SAMD3: variants seen among roughly 807,000 people sequenced by gnomAD.
The protein encoded by SAMD3 is sterile alpha motif domain containing 3.
In SAMD3, 63 loss-of-function variants were observed where a neutral mutation model predicts 58.5. The observed-to-expected ratio is 1.08, with a 90% confidence interval of 0.88 to 1.33. The LOEUF is 1.33. SAMD3 is among the 40% of genes most tolerant of loss of function. The probability of loss-of-function intolerance (pLI) is 0.00; values close to 1 mark genes in which losing one functional copy is unlikely to be tolerated. For synonymous variants in SAMD3, 220 were observed against 210.3 expected, an observed-to-expected ratio of 1.05 and a Z score of -0.40; for missense variants, 604 against 608.4, an observed-to-expected ratio of 0.99 and a Z score of 0.08.
chr6:130,283,753 A>G (rs1775066057), intron 2 of SAMD3, among the ~76,000 whole-genome samples: 1 of 152,216 alleles, frequency 6.6e-6, no homozygotes, highest in Non-Finnish European at 1.5e-5. Context: ...TAAAGGATAT[A>G]AGTAAGGAAA....
intron 2 of SAMD3, among the ~76,000 whole-genome samples, chr6:130,269,235 C>A (rs900806514): frequency 1.3e-5 from 2 of 152,140 alleles, no homozygotes; most frequent in African/African-American, 4.8e-5. Flanking sequence ...CATTGAATAA[C>A]GCTTTGCTCT....
At chr6:130,326,863 G>A (rs568387951) in intron 1 of SAMD3, among the ~76,000 whole-genome samples, 96 of 152,192 alleles carry the variant, frequency 6.3e-4, no homozygotes, top group African/African-American at 2.2e-3. Context: ...TCCAACCACA[G>A]GCACTACCCT....
Position 130,154,999 on chromosome 6 carries a change from C to T in SAMD3, c.849G>A (p.Glu283=). The T allele has an allele frequency of 6.2e-7, 1 of 1,613,118 alleles. No homozygotes were observed. Among genetic ancestry groups the T allele is most frequent in the Non-Finnish European group, 8.5e-7 (1 of 1,179,516 alleles). The stretch of plus-strand genomic sequence containing the variant: ...GGAACCACTTAATATGTTCATCTAG[C>T]TCAGAATCAAAACAAACAGCTTCTT... The part of the protein sequence containing the change: ...IKEEAVCFDS[E]LDEHIKWFQQ... Residue 283 remains glutamate (E), a synonymous_variant, in exon 9 of 12, where the codon GAG becomes GAA. Transcript: ENST00000439090.
intron 5 of SAMD3, among the ~76,000 whole-genome samples, chr6:130,195,103 T>C (rs948868714): frequency 6.6e-6 from 1 of 152,180 alleles, no homozygotes; most frequent in Non-Finnish European, 1.5e-5. Flanking sequence ...CTTATTAGGC[T>C]GAGGCACTTT....
In SAMD3 at chr6:130,144,613, G is replaced by A. The variant is rs558248204; in HGVS notation, c.1470C>T (p.Phe490=). 3 of 1,614,122 alleles carry A rather than the reference G, an allele frequency of 1.9e-6. No individual in the cohort carries two copies. In the Admixed American group the frequency reaches 5.0e-5, roughly 27 times the overall value. ...CPRRLSQTFN[F]LETLIFDMHS... is the part of the protein sequence containing the mutation. ...GCATATCGAAAATCAGCGTTTCTAG[G>A]AAGTTGAAAGTTTGGGACAGTCTTC... The change falls in exon 12 of 12, where the codon TTC becomes TTT. Residue 490 remains phenylalanine (F), a synonymous_variant. Coordinates refer to ENST00000439090, the MANE Select transcript of SAMD3 (RefSeq NM_001017373.4).
At chr6:130,192,722 G>A (rs1004334466) in intron 5 of SAMD3, among the ~76,000 whole-genome samples, 3 of 152,162 alleles carry the variant, frequency 2.0e-5, no homozygotes, top group East Asian at 1.9e-4. Flanking sequence ...ATTTGGTGCC[G>A]TGACTCGGAT....
Position 130,215,203 on chromosome 6 carries a change from C to A in SAMD3, c.71G>T (p.Arg24Ile), listed in dbSNP as rs1795928205. The A allele has an allele frequency of 6.3e-7, 1 of 1,589,706 alleles. No homozygotes were observed. The highest frequency in any genetic ancestry group is 1.1e-5 in the South Asian group (1 of 90,298). Residue 24 changes from arginine (R) to isoleucine (I), a missense_variant, in exon 3 of 12, where the codon AGA becomes ATA. Coordinates refer to ENST00000439090, the MANE Select transcript of SAMD3 (RefSeq NM_001017373.4). ...AAGCATAAACAACTCACCTTGAAAT[C>A]TATGAACTAGCTCTCCTAAATTTTT... ...VEKNLGELVH[R>I]FQEEEVSGAA...
At chr6:130,189,406 G>A (rs1277201393) in intron 5 of SAMD3, among the ~76,000 whole-genome samples, 1 of 152,108 alleles carries the variant, frequency 6.6e-6, no homozygotes, top group East Asian at 1.9e-4. Context: ...TCAGGCTTAC[G>A]GCCTCTAGAA....
Position 130,316,288 on chromosome 6 carries a change from T to TAA in SAMD3, c.-303-3197_-303-3196dup, listed in dbSNP as rs777240578. On this transcript the variant is annotated intron_variant, in intron 1 of 13. Transcript: ENST00000368134. The stretch of plus-strand genomic sequence containing the variant: ...CCTAGGCAACAGAGCAAGGCTGTCT[T>TAA]AAAAAAAAAAAAAAAAAAAAAAAGA... 9.3e-4 allele frequency among the ~76,000 whole-genome samples: 75 copies of TAA among 80,224 alleles called. 1 individual carries two copies. Among genetic ancestry groups the TAA allele is most frequent in the African/African-American group, 1.3e-3 (27 of 20,916 alleles). 52.6% of individuals were successfully genotyped at this position (80,224 alleles called of 152,430 possible). A position where few individuals can be genotyped will look rare whatever the true frequency, so the allele number is the denominator to read the frequency against.
chr6:130,272,129 A>C (rs746493751), intron 2 of SAMD3, among the ~76,000 whole-genome samples: 12 of 152,202 alleles, frequency 7.9e-5, no homozygotes, highest in Non-Finnish European at 1.6e-4. Context: ...TGTTACGTTT[A>C]AAGTTTTGAT....
chr6:130,330,256 C>T (rs1333514818), intron 1 of SAMD3, among the ~76,000 whole-genome samples: 1 of 151,964 alleles, frequency 6.6e-6, no homozygotes, highest in Non-Finnish European at 1.5e-5. Flanking sequence ...GGCACTTGTA[C>T]GTAATAGAGG....
Position 130,146,177 on chromosome 6 carries a change from A to C in SAMD3, c.1028T>G (p.Phe343Cys). 1 of 1,565,158 alleles carries C rather than the reference A, an allele frequency of 6.4e-7. No homozygotes were observed. Among genetic ancestry groups the C allele is most frequent in the Non-Finnish European group, 8.6e-7 (1 of 1,157,394 alleles). ...TCTTGTAAGAAGTTGGAATTCTCTGAACATCTGACAAAAGAAGAAAGCAAT... is the reference window on the plus strand; with the variant it reads ...TCTTGTAAGAAGTTGGAATTCTCTGCACATCTGACAAAAGAAGAAAGCAAT... ...FPFLKCPYQMFREFQLLTRTD... is the reference protein window; with the variant it reads ...FPFLKCPYQMCREFQLLTRTD... Residue 343 changes from phenylalanine to cysteine, a missense_variant, in exon 10 of 12, where the codon TTC becomes TGC. Physicochemically the swap from Phe to Cys is radical, Grantham distance 205. Transcript: ENST00000439090.
intron 1 of SAMD3, among the ~76,000 whole-genome samples, chr6:130,347,133 A>G (rs1488989110): frequency 6.6e-6 from 1 of 152,174 alleles, no homozygotes; most frequent in Non-Finnish European, 1.5e-5. Context: ...ATGGGGAAAA[A>G]ACAGAGCAGA....
chr6:130,222,993 A>G (rs1290765706), upstream of SAMD3: 2 of 152,254 alleles, frequency 1.3e-5, no homozygotes, highest in Non-Finnish European at 2.9e-5. Context: ...TAAGTTTGAA[A>G]CAGGGTGGAT....
At chr6:130,200,393 A>G (rs930499902) in intron 5 of SAMD3, among the ~76,000 whole-genome samples, 47 of 150,680 alleles carry the variant, frequency 3.1e-4, no homozygotes, top group African/African-American at 1.1e-3. Flanking sequence ...TACAAAAAAA[A>G]AAAAAATTAG....
chr6:130,268,726 C>T (rs1178624708), intron 2 of SAMD3, among the ~76,000 whole-genome samples: 1 of 152,122 alleles, frequency 6.6e-6, no homozygotes, highest in East Asian at 1.9e-4. Context: ...CCCATATAGC[C>T]TAGGTGTGTA....
At chr6:130,308,374 TA>T (rs1371223260) in intron 2 of SAMD3, among the ~76,000 whole-genome samples, 2 of 118,190 alleles carry the variant, frequency 1.7e-5, no homozygotes, top group African/African-American at 6.6e-5. Flanking sequence ...TATTCTATTC[TA>T]TTCTATTCTA....
intron 2 of SAMD3, among the ~76,000 whole-genome samples, chr6:130,267,909 T>C (rs576435764): frequency 6.6e-6 from 1 of 152,308 alleles, no homozygotes; most frequent in South Asian, 2.1e-4. Context: ...CCCGGCCAAA[T>C]AAACCCCTTC....
chr6:130,344,621 A>G (rs748270465), intron 1 of SAMD3, among the ~76,000 whole-genome samples: 3 of 151,874 alleles, frequency 2.0e-5, no homozygotes, highest in Non-Finnish European at 4.4e-5. Context: ...GCCTCAAGTG[A>G]CCTACCCATC....
Sources: allele counts gnomAD v4.1 joint callset (sites outside exome capture counted in the v4.1 genomes callset), GRCh38; gene constraint gnomAD v4.1.1; transcripts MANE v1.5; gene names NCBI Gene and HGNC (gene_info 2026-07-23, HGNC 2026-07-21).